Variants in TFAP2D observed in about 807,000 individuals in gnomAD.
TFAP2D encodes the protein transcription factor AP-2 delta.
Under a neutral mutation model 43.6 loss-of-function variants are expected in TFAP2D, and 9 were observed. The ratio of observed to expected loss-of-function variants is 0.21; its 90% CI spans 0.12 to 0.36. The LOEUF (loss-of-function observed/expected upper bound fraction) is 0.36, where lower values mean the gene tolerates loss of function less well. Ranked by LOEUF, TFAP2D falls within the 10% of genes least tolerant of loss-of-function variation. The pLI is 1.00. For missense variants in TFAP2D, 513 were observed against 561.4 expected (o/e 0.91, Z 0.87); for synonymous variants, 256 against 224.9 (o/e 1.14, Z -1.24).
intron 5 of TFAP2D, among the ~76,000 whole-genome samples, chr6:50,744,799 A>T (rs1769101142): frequency 1.3e-5 from 2 of 152,096 alleles, no homozygotes; most frequent in Admixed American, 6.6e-5. Context: ...AAACCTAGGA[A>T]GTCAGTCTGG....
At chr6:50,770,024 A>T (rs910535696) in intron 7 of TFAP2D, among the ~76,000 whole-genome samples, 3 of 152,238 alleles carry the variant, frequency 2.0e-5, no homozygotes, top group Non-Finnish European at 2.9e-5. Flanking sequence ...GGACATGCCA[A>T]TATAGAAGAA....
At chr6:50,727,256 C>G (rs1288350652) in intron 3 of TFAP2D, among the ~76,000 whole-genome samples, 1 of 152,180 alleles carries the variant, frequency 6.6e-6, no homozygotes, top group Non-Finnish European at 1.5e-5. Flanking sequence ...CCAGAAGGTA[C>G]AGGGGTAGAA....
rs1768569554 is a variant in TFAP2D, at chr6:50,713,928, A to C, written c.-128A>C. On this transcript the variant is annotated 5_prime_UTR_variant, in exon 1 of 8. It removes the in-frame stop codon of an upstream open reading frame in the 5' UTR. Coordinates refer to ENST00000008391, the MANE Select transcript of TFAP2D (RefSeq NM_172238.4). The stretch of plus-strand genomic sequence containing the variant: ...GATCCGGGCAAAACCATTACAATTT[A>C]GATATCTACCTATAGAACATTTTTT... 1 of 1,384,724 alleles carries C rather than the reference A, an allele frequency of 7.2e-7. No individual in the cohort carries two copies. Among genetic ancestry groups the C allele is most frequent in the Non-Finnish European group, 1.0e-6 (1 of 984,742 alleles). The allele number at this position is 1,384,724 out of a possible 1,614,324, so 85.8% of individuals were successfully genotyped here.
At chr6:50,734,647 C>T (rs562565692) in intron 5 of TFAP2D, among the ~76,000 whole-genome samples, 1 of 152,136 alleles carries the variant, frequency 6.6e-6, no homozygotes, top group East Asian at 1.9e-4. Flanking sequence ...CCACTCTAGC[C>T]AGAAAATTAC....
intron 7 of TFAP2D, among the ~76,000 whole-genome samples, chr6:50,758,715 T>A (rs1356550970): frequency 6.6e-6 from 1 of 152,036 alleles, no homozygotes; most frequent in Non-Finnish European, 1.5e-5. Context: ...TTTGTTAAAT[T>A]TTCTTGAGAT....
intron 3 of TFAP2D, 55 bp downstream of exon 3, chr6:50,719,205 T>G: frequency 6.4e-7 from 1 of 1,564,378 alleles, no homozygotes; most frequent in South Asian, 1.1e-5. Flanking sequence ...TATCTCTTAC[T>G]TTGTTTAGAA....
intron 5 of TFAP2D, among the ~76,000 whole-genome samples, chr6:50,739,753 C>T (rs1176617378): frequency 3.9e-5 from 6 of 152,188 alleles, no homozygotes; most frequent in South Asian, 2.1e-4. Flanking sequence ...AATTAACATA[C>T]TGTTAACATA....
At chr6:50,715,717 TTCTC>T in intron 2 of TFAP2D, 104 bp downstream of exon 2, 5 of 1,154,914 alleles carry the variant, frequency 4.3e-6, no homozygotes, top group South Asian at 1.5e-5. Flanking sequence ...TCTCTCTCTC[TTCTC>T]CTCTCTCTCT....
At chr6:50,739,196 T>A (rs1043602183) in intron 5 of TFAP2D, among the ~76,000 whole-genome samples, 1 of 152,034 alleles carries the variant, frequency 6.6e-6, no homozygotes, top group Non-Finnish European at 1.5e-5. Flanking sequence ...ACATTAGGTA[T>A]ATCTCCTAAT....
intron 5 of TFAP2D, among the ~76,000 whole-genome samples, 180 bp from the exon 6 acceptor site, chr6:50,744,927 C>T (rs1222585855): frequency 6.6e-6 from 1 of 152,140 alleles, no homozygotes; most frequent in African/African-American, 2.4e-5. Flanking sequence ...TCAATTTCCC[C>T]TCATTCTTCC....
chr6:50,764,673 C>T (rs964241365), intron 7 of TFAP2D, among the ~76,000 whole-genome samples: 20 of 152,192 alleles, frequency 1.3e-4, no homozygotes, highest in Admixed American at 1.3e-4. Flanking sequence ...CCAGGCTAGA[C>T]GCCTCCTGGA....
chr6:50,750,744 A>T (rs915156686), intron 6 of TFAP2D, among the ~76,000 whole-genome samples: 1 of 152,056 alleles, frequency 6.6e-6, no homozygotes, highest in African/African-American at 2.4e-5. Flanking sequence ...AAGTTAGCTC[A>T]TAAGAATATG....
rs1769557768 is a variant in TFAP2D, at chr6:50,772,978, C to A, written c.*114C>A. ...GACCAAATCTCTACCCTTCCCCAAC[C>A]CTCCATAAAAAAACAAAAATGGAAA... On this transcript the variant is annotated 3_prime_UTR_variant, in exon 8 of 8. Transcript: ENST00000008391. The A allele has an allele frequency of 4.3e-6, 4 of 924,044 alleles. No individual in the cohort carries two copies. Among genetic ancestry groups the A allele is most frequent in the Non-Finnish European group, 6.0e-6 (4 of 669,324 alleles). 57.2% of individuals were successfully genotyped at this position (924,044 alleles called of 1,614,324 possible).
In TFAP2D at chr6:50,714,002, C is replaced by G. The variant is rs1313181096; in HGVS notation, c.-54C>G. ...ACAAGAAGTTTGGATTTTTTTTTCC[C>G]GATTCTTTTTTTGGAGGGGGAAATT... On this transcript the variant is annotated 5_prime_UTR_variant, in exon 1 of 8. Transcript: ENST00000008391. The G allele has an allele frequency of 1.2e-6, 2 of 1,604,416 alleles. No individual in the cohort carries two copies. The highest frequency in any genetic ancestry group is 2.7e-5 in the African/African-American group (2 of 73,742).
intron 2 of TFAP2D, chr6:50,718,052 G>A (rs904076084): frequency 1.5e-4 from 23 of 151,870 alleles, no homozygotes; most frequent in African/African-American, 5.6e-4. Context: ...AAAAAGATTT[G>A]CTATGGCCAA....
rs753385956 is a variant in TFAP2D at position 50,715,457 on chromosome 6, G to A, written c.381G>A (p.Leu127=). 8.1e-6 allele frequency: 13 copies of A among 1,614,128 alleles called. No homozygotes were observed. Among genetic ancestry groups the A allele is most frequent in the Non-Finnish European group, 1.1e-5 (13 of 1,180,032 alleles). The change falls in exon 2 of 8, where the codon CTG becomes CTA. Residue 127 remains leucine, a synonymous_variant. Coordinates refer to ENST00000008391, the MANE Select transcript of TFAP2D (RefSeq NM_172238.4). ...CGCGGGCGCTCAAGTCGTCCTGCCT[G>A]GACGAGCAGAGGCGGGAGCTGGGCT... is the stretch of plus-strand genomic sequence containing the variant. ...HNARALKSSC[L]DEQRRELGCL... is the part of the protein sequence containing the mutation.
intron 2 of TFAP2D, among the ~76,000 whole-genome samples, chr6:50,715,821 G>T (rs1182832432): frequency 1.3e-5 from 2 of 151,866 alleles, no homozygotes; most frequent in African/African-American, 4.8e-5. Flanking sequence ...GGAGGAGTGT[G>T]CCCGTTCTCT....
chr6:50,770,232 C>T (rs1027219896), intron 7 of TFAP2D, among the ~76,000 whole-genome samples: 3 of 152,164 alleles, frequency 2.0e-5, no homozygotes, highest in South Asian at 2.1e-4. Context: ...TTGGCTTCCC[C>T]TCTAGTTGTC....
intron 6 of TFAP2D, 104 bp downstream of exon 6, chr6:50,745,352 C>T (rs1769111038): frequency 6.7e-7 from 1 of 1,483,960 alleles, no homozygotes; most frequent in South Asian, 1.2e-5. Flanking sequence ...TTCTCTAAAA[C>T]AAGGAAGGTC....
Sources: gnomAD v4.1 joint callset for allele counts (sites outside exome capture counted in the v4.1 genomes callset) on GRCh38, gnomAD v4.1.1 for gene constraint, MANE v1.5 for transcripts, NCBI Gene and HGNC (gene_info 2026-07-23, HGNC 2026-07-21) for gene names.